Variants in BIRC6 observed in about 807,000 individuals in gnomAD.
BIRC6 encodes the protein baculoviral IAP repeat containing 6, also known as dual E2 ubiquitin-conjugating enzyme/E3 ubiquitin-protein ligase BIRC6.
Under a neutral mutation model 503.3 loss-of-function variants are expected in BIRC6, and 98 were observed. The ratio of observed to expected loss-of-function variants is 0.19; its 90% CI spans 0.17 to 0.23. The LOEUF (loss-of-function observed/expected upper bound fraction) is 0.23. Ranked by LOEUF, BIRC6 falls within the 10% of genes least tolerant of loss-of-function variation. The probability of loss-of-function intolerance (pLI) is 1.00; values close to 1 mark genes in which losing one functional copy is unlikely to be tolerated. For missense variants in BIRC6, 5,360 were observed against 5,806.0 expected, an observed-to-expected ratio of 0.92 and a Z score of 2.50; for synonymous variants, 2,240 against 2,078.7, an observed-to-expected ratio of 1.08 and a Z score of -2.11.
intron 66 of BIRC6, among the ~76,000 whole-genome samples, chr2:32,589,575 C>G (rs970864749): frequency 6.6e-6 from 1 of 152,142 alleles, no homozygotes; most frequent in Non-Finnish European, 1.5e-5. Context: ...TGAAAAAGTC[C>G]TGATTTCTTA....
rs756068606 is a variant in BIRC6 at position 32,357,179 on chromosome 2, T to C, written c.18T>C (p.Gly6=). The C allele has an allele frequency of 2.0e-6, 3 of 1,533,180 alleles. No homozygotes were observed. The highest frequency in any genetic ancestry group is 2.1e-5 in the Admixed American group (1 of 48,596). 95.0% of individuals were successfully genotyped at this position (1,533,180 alleles called of 1,614,324 possible). Reference sequence around the variant, plus strand: ...GGCCCCGGATGGTGACTGGTGGTGGTGCTGCACCTCCCGGGACTGTCACTG... The same window carrying C: ...GGCCCCGGATGGTGACTGGTGGTGGCGCTGCACCTCCCGGGACTGTCACTG... MVTGG[G]AAPPGTVTEP... Residue 6 remains glycine, a synonymous_variant, in exon 1 of 74, where the codon GGT becomes GGC. Transcript: ENST00000421745. This position sits in a 1 kb window ranked among gnomAD's most constrained non-coding sequence, Gnocchi z 4.9.
At chr2:32,496,821 G>A (rs1162896908) in intron 45 of BIRC6, among the ~76,000 whole-genome samples, 4 of 152,114 alleles carry the variant, frequency 2.6e-5, no homozygotes, top group South Asian at 2.1e-4. Context: ...CAGAGAATAC[G>A]GTTAGTTTAA....
chr2:32,515,514 T>G lies in BIRC6; in HGVS notation c.11093T>G (p.Ile3698Ser). 1 of 1,613,974 alleles carries G rather than the reference T, an allele frequency of 6.2e-7. No individual in the cohort carries two copies. Among genetic ancestry groups the G allele is most frequent in the Non-Finnish European group, 8.5e-7 (1 of 1,179,888 alleles). Residue 3698 changes from isoleucine to serine, a missense_variant, in exon 55 of 74, where the codon ATT (isoleucine) becomes AGT (serine). Physicochemically the swap from Ile to Ser is moderately radical, Grantham distance 142. Around this residue, in one of 16 missense-constraint regions of BIRC6, gnomAD observed 878 missense variants for 928.9 expected, o/e 0.95. Coordinates refer to ENST00000421745, the MANE Select transcript of BIRC6 (RefSeq NM_016252.4). Reference sequence around the variant, plus strand: ...TTGACAGAAGTTGGCAATAGCCATATTATGAAAGATTGGCTTGGTGGTTCT... The same window carrying G: ...TTGACAGAAGTTGGCAATAGCCATAGTATGAAAGATTGGCTTGGTGGTTCT... ...RFLTEVGNSH[I>S]MKDWLGGSEV... is the part of the protein sequence containing the mutation.
intron 50 of BIRC6, among the ~76,000 whole-genome samples, chr2:32,507,360 T>C (rs1269124417): frequency 1.3e-5 from 2 of 152,078 alleles, no homozygotes; most frequent in African/African-American, 4.8e-5. Flanking sequence ...AACCTGGGAG[T>C]TGGAGGTTGC....
rs1316302008 is a variant in BIRC6, at chr2:32,499,499, ATCTCTCTCTCTCTCTCTTTTTCTG to A, written c.8469-30_8469-7del. On this transcript the variant is annotated intron_variant, in intron 45 of 73. Transcript: ENST00000421745. ...AATTTTTAATCCTTTCTCTTGTTGT[ATCTCTCTCTCTCTCTCTTTTTCTG>A]TCTCTCTCTCTCTCTCTCTGCAGGG... 4.0e-6 allele frequency: 5 copies of A among 1,236,356 alleles called. No homozygotes were observed. The Admixed American group carries it at 8.9e-5, about 22-fold the overall frequency. 76.6% of individuals were successfully genotyped at this position (1,236,356 alleles called of 1,614,324 possible). A position where few individuals can be genotyped will look rare whatever the true frequency, so the allele number is the denominator to read the frequency against.
At chr2:32,568,712 C>T (rs998640180) in intron 65 of BIRC6, among the ~76,000 whole-genome samples, 1 of 151,690 alleles carries the variant, frequency 6.6e-6, no homozygotes, top group African/African-American at 2.4e-5. Flanking sequence ...GGCATGGTGG[C>T]ATGCACCTGT....
rs2055715686 is a variant in BIRC6, at chr2:32,521,579, C to T, written c.11623+2633C>T. ...TGCCTCCCAGGTTCAAGCAATTCTC[C>T]TGCCTCAGTCTGCAGAGTAGCTGGG... On this transcript the variant is annotated intron_variant, in intron 57 of 73. Coordinates refer to ENST00000421745, the MANE Select transcript of BIRC6 (RefSeq NM_016252.4). 3.3e-5 allele frequency among the ~76,000 whole-genome samples: 5 copies of T among 151,732 alleles called. No homozygotes were observed. The South Asian group carries it at 1.0e-3, about 32-fold the overall frequency.
At position 32,445,543 on chromosome 2, in the gene BIRC6, C is replaced by T. The variant is rs747653485; in HGVS notation, c.4359C>T (p.Val1453=). 3.1e-6 allele frequency: 5 copies of T among 1,590,242 alleles called. No homozygotes were observed. Among genetic ancestry groups the T allele is most frequent in the Non-Finnish European group, 3.4e-6 (4 of 1,169,370 alleles). The change falls in exon 21 of 74, where the codon GTC becomes GTT. Residue 1453 remains valine, a synonymous_variant. Transcript: ENST00000421745. ...TTGGSVYWYF[V]LLNYVKDEDL... is the part of the protein sequence containing the mutation. The stretch of plus-strand genomic sequence containing the variant: ...CAGGTTCTGTCTATTGGTATTTTGT[C>T]TTACTGAATTATGTGAAAGATGAAG...
In BIRC6 at chr2:32,468,158, A is replaced by T. The variant is rs529518852; in HGVS notation, c.5780+47A>T. On this transcript the variant is annotated intron_variant, in intron 28 of 73. Coordinates refer to ENST00000421745, the MANE Select transcript of BIRC6 (RefSeq NM_016252.4). ...TAATGTTATTGAAACTTTGTATTTT[A>T]TATAATGTCTTGCTTATAATTCTGT... 2.8e-5 allele frequency: 43 copies of T among 1,540,388 alleles called. No individual in the cohort carries two copies. The African/African-American group carries it at 5.9e-4, about 21-fold the overall frequency.
chr2:32,559,540 T>C (rs1482019816), intron 65 of BIRC6, among the ~76,000 whole-genome samples: 2 of 152,180 alleles, frequency 1.3e-5, no homozygotes, highest in African/African-American at 4.8e-5. Flanking sequence ...TTATGTTGTT[T>C]TGTGCTTTAA....
chr2:32,603,555 A>C (rs1274423575), intron 71 of BIRC6, among the ~76,000 whole-genome samples: 3 of 152,048 alleles, frequency 2.0e-5, no homozygotes, highest in Admixed American at 2.0e-4. Context: ...ATCTCTACTA[A>C]AAATACAAAA....
chr2:32,564,335 A>G (rs1414062935), intron 65 of BIRC6: 1 of 152,196 alleles, frequency 6.6e-6, no homozygotes, highest in Non-Finnish European at 1.5e-5. Context: ...ACAACATTCC[A>G]TTTTATGGCT....
chr2:32,415,710 G>T lies in BIRC6; in HGVS notation c.2419G>T (p.Val807Leu), dbSNP rs1006449374. 1.2e-6 allele frequency: 2 copies of T among 1,613,722 alleles called. No homozygotes were observed. Among genetic ancestry groups the T allele is most frequent in the African/African-American group, 1.3e-5 (1 of 74,922 alleles). Residue 807 changes from valine to leucine, a missense_variant, in exon 10 of 74, where the codon GTA becomes TTA. Transcript: ENST00000421745. The part of the protein sequence containing the change: ...SVIQHESPAD[V>L]QTPLIIQPEQ... ...AATCCAACATGAATCACCAGCAGAT[G>T]TACAGACTCCTTTAATAATTCAGCC...
At chr2:32,426,070 G>A (rs1248619702) in intron 10 of BIRC6, among the ~76,000 whole-genome samples, 1 of 152,172 alleles carries the variant, frequency 6.6e-6, no homozygotes, top group Non-Finnish European at 1.5e-5. Flanking sequence ...CTAGTTGAGT[G>A]GTTGCTTTGG....
intron 57 of BIRC6, among the ~76,000 whole-genome samples, chr2:32,519,584 T>C (rs953686952): frequency 2.0e-5 from 3 of 152,226 alleles, no homozygotes; most frequent in South Asian, 2.1e-4. Flanking sequence ...GGAACGATCT[T>C]GGCTCACCAC....
At chr2:32,528,930 A>C (rs1465432814) in intron 59 of BIRC6, 1 of 152,156 alleles carries the variant, frequency 6.6e-6, no homozygotes. Flanking sequence ...CATTGTGTAC[A>C]TGCAAATATT....
chr2:32,360,663 C>G (rs1196272343), intron 1 of BIRC6, among the ~76,000 whole-genome samples: 1 of 152,188 alleles, frequency 6.6e-6, no homozygotes, highest in Non-Finnish European at 1.5e-5. Flanking sequence ...CCAGAAATGA[C>G]TGAAGCCCTA....
chr2:32,531,543 A>C lies in BIRC6; in HGVS notation c.12283A>C (p.Ile4095Leu). The C allele has an allele frequency of 6.2e-7, 1 of 1,610,088 alleles. No homozygotes were observed. Among genetic ancestry groups the C allele is most frequent in the East Asian group, 2.2e-5 (1 of 44,832 alleles). The change falls in exon 61 of 74, where the codon ATT becomes CTT. Residue 4095 changes from isoleucine to leucine, a missense_variant. Physicochemically the swap from Ile to Leu is conservative, Grantham distance 5. Around this residue, in one of 16 missense-constraint regions of BIRC6, gnomAD observed 878 missense variants for 928.9 expected, o/e 0.95. Coordinates refer to ENST00000421745, the MANE Select transcript of BIRC6 (RefSeq NM_016252.4). The stretch of plus-strand genomic sequence containing the variant: ...ACTACCCATGCTATATCCAGAAGTA[A>C]TTCAACAGGTAAGATAAGATTTCCT... ...ERLPMLYPEV[I>L]QQVSAPVVTS...
intron 5 of BIRC6, among the ~76,000 whole-genome samples, chr2:32,392,693 ACTCACTTCAGT>A (rs2039387075): frequency 6.6e-6 from 1 of 151,520 alleles, no homozygotes. Flanking sequence ...CCCTATCACC[ACTCACTTCAGT>A]CTCAACCTTC....
Sources: gnomAD v4.1 joint callset for allele counts (sites outside exome capture counted in the v4.1 genomes callset) on GRCh38, gnomAD v4.1.1 for gene constraint, gnomAD v4.1.1 regional missense constraint, Gnocchi (gnomAD v3.1) non-coding constraint, MANE v1.5 for transcripts, NCBI Gene and HGNC (gene_info 2026-07-23, HGNC 2026-07-21) for gene names.